The following MMD2 variants were observed in gnomAD, a reference collection of about 807,000 sequenced individuals.
MMD2 encodes the protein monocyte to macrophage differentiation factor 2.
MMD2 carries 30 observed loss-of-function variants against 33.5 expected under a neutral mutation model. The observed-to-expected ratio is 0.90, with a 90% CI of 0.67 to 1.22. The LOEUF (loss-of-function observed/expected upper bound fraction) is 1.22, where lower values mean the gene tolerates loss of function less well. MMD2 is among the 50% of genes most tolerant of loss of function. The pLI is 0.00. For missense variants in MMD2, 364 were observed against 325.4 expected (o/e 1.12, Z -0.91); for synonymous variants, 129 against 123.0 (o/e 1.05, Z -0.32).
chr7:4,951,574 C>T (rs1156540255), intron 1 of MMD2, among the ~76,000 whole-genome samples: 1 of 152,106 alleles, frequency 6.6e-6, no homozygotes, highest in Non-Finnish European at 1.5e-5. Context: ...GGTTTCTGCC[C>T]ATCCAGCATC....
chr7:4,952,689 ATTTT>A (rs36030563), intron 1 of MMD2, among the ~76,000 whole-genome samples: 1 of 110,580 alleles, frequency 9.0e-6, no homozygotes. Context: ...TCCGTATGAG[ATTTT>A]TTTTTTTTTT....
Position 4,919,172 on chromosome 7 carries a change from G to T in MMD2, c.290+999C>A, listed in dbSNP as rs534419860. Among the ~76,000 whole-genome samples, 158 of 152,214 alleles carry T rather than the reference G, an allele frequency of 1.0e-3. 1 individual carries two copies. The highest frequency in any genetic ancestry group is 3.3e-3 in the African/African-American group (136 of 41,542). ...CATTGCAGAATTATTAGAAAGATTA[G>T]GGAATGGCGCCTGTAGCATGCCTGG... On this transcript the variant is annotated intron_variant, in intron 3 of 6. Transcript: ENST00000401401.
intron 4 of MMD2, among the ~76,000 whole-genome samples, chr7:4,911,611 T>C (rs1785010655): frequency 6.6e-6 from 1 of 151,924 alleles, no homozygotes; most frequent in Admixed American, 6.6e-5. Flanking sequence ...TTATTTATTT[T>C]ATTTTATTTC....
chr7:4,916,155 G>T, intron 3 of MMD2, 76 bp from the exon 4 acceptor site: 1 of 1,413,496 alleles, frequency 7.1e-7, no homozygotes, highest in Non-Finnish European at 9.9e-7. Context: ...GCCGTGCCCT[G>T]GACTGATCGT....
At chr7:4,957,795 C>T (rs935627519) in intron 1 of MMD2, among the ~76,000 whole-genome samples, 2 of 152,190 alleles carry the variant, frequency 1.3e-5, no homozygotes, top group Non-Finnish European at 1.5e-5. Flanking sequence ...CATCATGTCC[C>T]CCAGGGGGAA....
rs1177359402 is a variant in MMD2 at position 4,959,022 on chromosome 7, G to A, written c.-5C>T. ...CAGCAGCCGGGGGGCGAACATCGCGGCGCTTCCATGGGAATCTGGCCCCGG... is the reference window on the plus strand; with the variant it reads ...CAGCAGCCGGGGGGCGAACATCGCGACGCTTCCATGGGAATCTGGCCCCGG... On this transcript the variant is annotated 5_prime_UTR_variant, in exon 1 of 7. Coordinates refer to ENST00000401401, the MANE Select transcript of MMD2 (RefSeq NM_198403.4). 2.4e-6 allele frequency: 3 copies of A among 1,267,638 alleles called. No individual in the cohort carries two copies. Among genetic ancestry groups the A allele is most frequent in the East Asian group, 6.3e-5 (2 of 31,832 alleles). The allele number at this position is 1,267,638 out of a possible 1,614,324, so 78.5% of individuals were successfully genotyped here.
intron 2 of MMD2, 113 bp from the exon 3 acceptor site, chr7:4,920,444 G>A: frequency 9.8e-7 from 1 of 1,019,608 alleles, no homozygotes; most frequent in Non-Finnish European, 1.5e-6. Context: ...CTCTTGAAAT[G>A]TGGTCAGTGC....
intron 1 of MMD2, among the ~76,000 whole-genome samples, chr7:4,935,537 C>T (rs1253156473): frequency 1.3e-5 from 2 of 151,426 alleles, no homozygotes; most frequent in African/African-American, 2.4e-5. Context: ...ATTAGCCAGA[C>T]GTGGTGGCAT....
the MMD2 span, among the ~76,000 whole-genome samples, chr7:4,893,958 C>T: frequency 3.5e-4 from 54 of 152,134 alleles, 1 homozygote; most frequent in African/African-American, 1.0e-3. Flanking sequence ...TGGTGGGCTT[C>T]TTTACCACAC....
intron 1 of MMD2, among the ~76,000 whole-genome samples, chr7:4,937,145 C>A (rs1785763659): frequency 6.6e-6 from 1 of 151,322 alleles, no homozygotes; most frequent in Non-Finnish European, 1.5e-5. Flanking sequence ...TGCCTGCAAT[C>A]CAGCACTTTG....
chr7:4,892,993 C>T, the MMD2 span, among the ~76,000 whole-genome samples: 7 of 152,234 alleles, frequency 4.6e-5, no homozygotes, highest in South Asian at 4.1e-4. Context: ...GGATTACAGG[C>T]GCGAGCCACC....
chr7:4,925,639 A>T (rs374546321), intron 1 of MMD2, 107 bp from the exon 2 acceptor site: 30 of 656,044 alleles, frequency 4.6e-5, no homozygotes, highest in African/African-American at 4.6e-4. Context: ...AAAGAAGAGC[A>T]CTCCCCTTCT....
At chr7:4,928,757 T>G (rs1046115628) in intron 1 of MMD2, among the ~76,000 whole-genome samples, 1 of 151,620 alleles carries the variant, frequency 6.6e-6, no homozygotes, top group Non-Finnish European at 1.5e-5. Context: ...GTATGCTGGC[T>G]CCATGCTAAG....
intron 6 of MMD2, 156 bp downstream of exon 6, chr7:4,909,725 G>C (rs1286740645): frequency 4.1e-6 from 4 of 980,102 alleles, no homozygotes; most frequent in Non-Finnish European, 6.4e-6. Context: ...ATGAGCCACT[G>C]TACCTGGCCT....
chr7:4,920,849 C>A (rs1392726649), intron 2 of MMD2, among the ~76,000 whole-genome samples: 1 of 151,846 alleles, frequency 6.6e-6, no homozygotes, highest in East Asian at 1.9e-4. Context: ...TCCCAAGTAG[C>A]TGGGACTACA....
intron 1 of MMD2, among the ~76,000 whole-genome samples, chr7:4,928,813 C>A (rs79388569): frequency 6.6e-6 from 1 of 151,584 alleles, no homozygotes; most frequent in Admixed American, 6.6e-5. Context: ...GTGTTGGCTC[C>A]GTGCTAAGTA....
At chr7:4,908,669 A>C (rs1331260286) in intron 6 of MMD2, among the ~76,000 whole-genome samples, 1 of 151,316 alleles carries the variant, frequency 6.6e-6, no homozygotes, top group Admixed American at 6.6e-5. Context: ...GAGGCTAAGG[A>C]GGGCGGATCA....
At chr7:4,913,542 A>AC (rs1170714764) in intron 4 of MMD2, among the ~76,000 whole-genome samples, 4 of 151,840 alleles carry the variant, frequency 2.6e-5, no homozygotes, top group Non-Finnish European at 4.4e-5. Flanking sequence ...AAATGGTGAA[A>AC]CCCCATCTCC....
At chr7:4,924,414 C>T (rs1785370053) in intron 2 of MMD2, among the ~76,000 whole-genome samples, 1 of 152,262 alleles carries the variant, frequency 6.6e-6, no homozygotes, top group African/African-American at 2.4e-5. Flanking sequence ...GCTATCTGGG[C>T]ACTTCCCTGT....
Sources: gnomAD v4.1 joint callset for allele counts (sites outside exome capture counted in the v4.1 genomes callset) on GRCh38, gnomAD v4.1.1 for gene constraint, MANE v1.5 for transcripts, NCBI Gene and HGNC (gene_info 2026-07-23, HGNC 2026-07-21) for gene names.